Variants in DPP10 observed in about 807,000 individuals in gnomAD.
The protein encoded by DPP10 is dipeptidyl peptidase like 10.
A neutral mutation model predicts 120.9 loss-of-function variants in DPP10; 33 were observed. The observed-to-expected ratio is 0.27, with a 90% CI of 0.21 to 0.37. The LOEUF is 0.37. Among genes scored for constraint, DPP10 ranks in the 10% least tolerant of loss-of-function variants. The pLI, the probability that DPP10 is intolerant of heterozygous loss-of-function variation, is 1.00. For synonymous variants in DPP10, 337 were observed against 326.1 expected (o/e 1.03, Z -0.36); for missense variants, 816 against 942.8 (o/e 0.87, Z 1.76).
chr2:115,636,533 TTGTG>T (rs2086345146), intron 5 of DPP10, among the ~76,000 whole-genome samples: 1 of 151,780 alleles, frequency 6.6e-6, no homozygotes, highest in African/African-American at 2.4e-5. Context: ...AACAAAACAG[TTGTG>T]TGTATGTTTA....
chr2:114,965,994 AAAAGAAAAAG>A, intron 1 of DPP10, among the ~76,000 whole-genome samples: 1 of 151,118 alleles, frequency 6.6e-6, no homozygotes, highest in African/African-American at 2.4e-5. Flanking sequence ...AAAAGAAAAA[AAAAGAAAAAG>A]AAAGATAAAG....
chr2:115,586,834 G>A (rs2082317509), intron 5 of DPP10, among the ~76,000 whole-genome samples: 1 of 151,930 alleles, frequency 6.6e-6, no homozygotes, highest in Non-Finnish European at 1.5e-5. Flanking sequence ...AGGAACTTGA[G>A]TATCTTTTCA....
At chr2:115,225,493 ATGTGTG>A (rs35747472) in intron 1 of DPP10, among the ~76,000 whole-genome samples, 5 of 150,116 alleles carry the variant, frequency 3.3e-5, no homozygotes, top group African/African-American at 9.8e-5. Flanking sequence ...AACCGCATGA[ATGTGTG>A]TGTGTGTGTG....
chr2:115,224,806 A>G (rs555072294), intron 1 of DPP10, among the ~76,000 whole-genome samples: 1 of 152,330 alleles, frequency 6.6e-6, no homozygotes, highest in South Asian at 2.1e-4. Context: ...GTCTTTTTAA[A>G]AAATAAAATT....
At chr2:114,944,916 TTAGAAA>T (rs1483467222) in intron 1 of DPP10, among the ~76,000 whole-genome samples, 1 of 151,948 alleles carries the variant, frequency 6.6e-6, no homozygotes, top group African/African-American at 2.4e-5. Flanking sequence ...ACAAAACAGC[TTAGAAA>T]TAGATCCACA....
intron 25 of DPP10, among the ~76,000 whole-genome samples, chr2:115,841,357 A>G (rs544728391): frequency 3.8e-4 from 58 of 152,274 alleles, no homozygotes; most frequent in Non-Finnish European, 5.3e-4. Context: ...CATTTAATAT[A>G]TATTTATCAA....
chr2:115,228,927 A>G (rs1482202492), intron 1 of DPP10, among the ~76,000 whole-genome samples: 2 of 151,922 alleles, frequency 1.3e-5, no homozygotes, highest in Admixed American at 6.6e-5. Context: ...TAATAGCTCT[A>G]TTTTTAGTCT....
intron 21 of DPP10, among the ~76,000 whole-genome samples, chr2:115,828,650 G>A (rs956416317): frequency 1.3e-5 from 2 of 151,880 alleles, no homozygotes; most frequent in East Asian, 1.9e-4. Context: ...TAGGACTGAC[G>A]TGTTTATTTT....
chr2:114,980,755 C>A (rs768387903), intron 1 of DPP10, among the ~76,000 whole-genome samples: 3 of 151,922 alleles, frequency 2.0e-5, no homozygotes, highest in East Asian at 1.9e-4. Context: ...CCTCCCAGAG[C>A]GCTGCAGGTA....
At chr2:115,322,159 T>C (rs1452634362) in intron 2 of DPP10, among the ~76,000 whole-genome samples, 1 of 152,166 alleles carries the variant, frequency 6.6e-6, no homozygotes, top group Non-Finnish European at 1.5e-5. Flanking sequence ...GGAACTCTTA[T>C]AATCAAATTT....
chr2:115,675,865 C>A (rs2090210738), intron 5 of DPP10, among the ~76,000 whole-genome samples: 1 of 152,190 alleles, frequency 6.6e-6, no homozygotes, highest in South Asian at 2.1e-4. Flanking sequence ...GGACGAATAG[C>A]CCCTGCATTT....
intron 2 of DPP10, among the ~76,000 whole-genome samples, chr2:115,313,861 T>C (rs932602230): frequency 1.3e-5 from 2 of 152,210 alleles, no homozygotes; most frequent in Non-Finnish European, 2.9e-5. Context: ...GGTGGACTTA[T>C]TCAGATGCAT....
intron 12 of DPP10, among the ~76,000 whole-genome samples, chr2:115,765,452 TA>T (rs1245531865): frequency 6.6e-6 from 1 of 152,126 alleles, no homozygotes; most frequent in Non-Finnish European, 1.5e-5. Flanking sequence ...GCAATAGAGC[TA>T]AACAGATAAC....
intron 1 of DPP10, among the ~76,000 whole-genome samples, chr2:115,137,150 C>G (rs2050689386): frequency 6.6e-6 from 1 of 152,142 alleles, no homozygotes; most frequent in South Asian, 2.1e-4. Flanking sequence ...AAAATAAACT[C>G]AAAGGGCATA....
intron 1 of DPP10, among the ~76,000 whole-genome samples, chr2:115,137,718 T>C (rs2050721211): frequency 6.6e-6 from 1 of 152,164 alleles, no homozygotes; most frequent in South Asian, 2.1e-4. Context: ...GTTAAGAGAT[T>C]GAGTGAACTC....
intron 1 of DPP10, among the ~76,000 whole-genome samples, chr2:115,305,082 G>A (rs578181819): frequency 4.1e-4 from 62 of 152,060 alleles, no homozygotes; most frequent in Middle Eastern, 6.8e-3. Flanking sequence ...TCCATCCACC[G>A]GGGGGCTCAT....
intron 1 of DPP10, among the ~76,000 whole-genome samples, chr2:114,770,476 T>C (rs1461182943): frequency 6.6e-6 from 1 of 152,110 alleles, no homozygotes; most frequent in African/African-American, 2.4e-5. Context: ...ATTCACACAA[T>C]GGTGGTAAGA....
chr2:114,683,197 A>C lies in DPP10; in HGVS notation c.60+240359A>C, dbSNP rs1005857804. Among the ~76,000 whole-genome samples, 3 of 152,030 alleles carry C rather than the reference A, an allele frequency of 2.0e-5. No individual in the cohort carries two copies. In the East Asian group the frequency reaches 5.8e-4, roughly 29 times the overall value. Reference sequence around the variant, plus strand: ...AGGAAACGTAGATTATGAAATGTTAATCAACTGACTCAATGTATGGTAAAT... The same window carrying C: ...AGGAAACGTAGATTATGAAATGTTACTCAACTGACTCAATGTATGGTAAAT... On this transcript the variant is annotated intron_variant, in intron 1 of 25. Transcript: ENST00000410059.
chr2:115,473,898 G>A (rs956024377), intron 3 of DPP10, among the ~76,000 whole-genome samples: 5 of 152,122 alleles, frequency 3.3e-5, no homozygotes, highest in Non-Finnish European at 4.4e-5. Flanking sequence ...TATTGTGGAC[G>A]AAAGAGAGAA....
Sources: gnomAD v4.1 joint callset for allele counts (sites outside exome capture counted in the v4.1 genomes callset) on GRCh38, gnomAD v4.1.1 for gene constraint, MANE v1.5 for transcripts, NCBI Gene and HGNC (gene_info 2026-07-23, HGNC 2026-07-21) for gene names.